Variants in BRINP3 observed in about 807,000 individuals in gnomAD.
The protein encoded by BRINP3 is BMP/retinoic acid inducible neural specific 3.
Under a neutral mutation model 71.0 loss-of-function variants are expected in BRINP3, and 19 were observed. The observed-to-expected ratio is 0.27, with a 90% CI of 0.19 to 0.39. The LOEUF is 0.39. BRINP3 is among the 10% of genes least tolerant of loss of function. The pLI, the probability that BRINP3 is intolerant of heterozygous loss-of-function variation, is 1.00. For synonymous variants in BRINP3, 380 were observed against 337.7 expected, an observed-to-expected ratio of 1.13 and a Z score of -1.37; for missense variants, 959 against 940.8, an observed-to-expected ratio of 1.02 and a Z score of -0.25.
intron 1 of BRINP3, among the ~76,000 whole-genome samples, chr1:190,465,008 T>A (rs1257301015): frequency 3.3e-5 from 5 of 151,928 alleles, no homozygotes; most frequent in African/African-American, 1.2e-4. Context: ...AAAGAGGAAG[T>A]TAAATGCTAA....
intron 2 of BRINP3, among the ~76,000 whole-genome samples, chr1:190,309,030 G>C (rs767003307): frequency 4.0e-5 from 6 of 151,842 alleles, no homozygotes; most frequent in Non-Finnish European, 7.4e-5. Flanking sequence ...ATATCTCAAA[G>C]GTCTAAGCAA....
chr1:190,380,343 G>A (rs1670470494), intron 2 of BRINP3, among the ~76,000 whole-genome samples: 2 of 152,084 alleles, frequency 1.3e-5, no homozygotes. Context: ...AGAGAAAGTG[G>A]TAGAATTTTT....
At chr1:190,185,923 T>C (rs917796036) in intron 6 of BRINP3, among the ~76,000 whole-genome samples, 3 of 152,148 alleles carry the variant, frequency 2.0e-5, no homozygotes, top group Non-Finnish European at 4.4e-5. Context: ...TATTACTGAA[T>C]GTTCCCAACA....
At chr1:190,323,444 A>C (rs1666376426) in intron 2 of BRINP3, among the ~76,000 whole-genome samples, 1 of 151,942 alleles carries the variant, frequency 6.6e-6, no homozygotes, top group African/African-American at 2.4e-5. Context: ...CATTTACAAA[A>C]GAAGATATGA....
intron 2 of BRINP3, among the ~76,000 whole-genome samples, chr1:190,371,331 C>T (rs182654691): frequency 1.1e-3 from 172 of 152,196 alleles, no homozygotes; most frequent in African/African-American, 3.2e-3. Context: ...GTTTTTAATC[C>T]ATTTTGAGTT....
intron 1 of BRINP3, among the ~76,000 whole-genome samples, chr1:190,464,524 G>A (rs528517463): frequency 2.6e-5 from 4 of 151,922 alleles, no homozygotes; most frequent in East Asian, 3.9e-4. Flanking sequence ...CCCCTACTAC[G>A]TAATGCACTG....
At chr1:190,197,869 G>A (rs1654631124) in intron 6 of BRINP3, among the ~76,000 whole-genome samples, 1 of 152,132 alleles carries the variant, frequency 6.6e-6, no homozygotes, top group Admixed American at 6.5e-5. Context: ...TTCCAGTAGG[G>A]ACTCTGTGTG....
intron 6 of BRINP3, among the ~76,000 whole-genome samples, chr1:190,196,910 A>T (rs548400538): frequency 3.9e-4 from 59 of 150,322 alleles, no homozygotes; most frequent in Non-Finnish European, 5.3e-4. Context: ...AAATAAGCTC[A>T]TCGTTATTAT....
rs1413926350 is a variant in BRINP3 at position 190,277,001 on chromosome 1, C to T, written c.427+4559G>A. On this transcript the variant is annotated intron_variant, in intron 3 of 7. Transcript: ENST00000367462. Reference sequence around the variant, plus strand: ...TCAAACTGAACTTGCTTTTATGATGCCTAGAATAAAAACTATTCTTCAAAG... The same window carrying T: ...TCAAACTGAACTTGCTTTTATGATGTCTAGAATAAAAACTATTCTTCAAAG... Among the ~76,000 whole-genome samples the T allele has an allele frequency of 5.6e-5, 8 of 141,628 alleles. No homozygotes were observed. In the Admixed American group the frequency reaches 5.9e-4, roughly 11 times the overall value. The allele number at this position is 141,628 out of a possible 152,430, so 92.9% of individuals were successfully genotyped here.
At position 190,273,524 on chromosome 1, in the gene BRINP3, A is replaced by G. The variant is rs1162752646; in HGVS notation, c.427+8036T>C. On this transcript the variant is annotated intron_variant, in intron 3 of 7. Transcript: ENST00000367462. ...GGTGGTTTATGGTCATTAAAAGCAC[A>G]TATTGAAGGATGCTTTCATAGAAAA... Among the ~76,000 whole-genome samples, 5 of 151,610 alleles carry G rather than the reference A, an allele frequency of 3.3e-5. No individual in the cohort carries two copies. In the East Asian group the frequency reaches 9.6e-4, roughly 29 times the overall value.
chr1:190,196,955 T>C (rs919423077), intron 6 of BRINP3, among the ~76,000 whole-genome samples: 5 of 149,710 alleles, frequency 3.3e-5, no homozygotes, highest in Admixed American at 6.7e-5. Flanking sequence ...ATAAAATACA[T>C]AATAAATTAT....
At chr1:190,402,513 T>C (rs188245225) in intron 2 of BRINP3, among the ~76,000 whole-genome samples, 12 of 152,280 alleles carry the variant, frequency 7.9e-5, no homozygotes, top group Admixed American at 4.6e-4. Context: ...GTATCTTCAA[T>C]GTAGTCTGCT....
chr1:190,277,686 C>T (rs1662703377), intron 3 of BRINP3, among the ~76,000 whole-genome samples: 1 of 151,602 alleles, frequency 6.6e-6, no homozygotes, highest in African/African-American at 2.4e-5. Context: ...CACAGATACA[C>T]TTTAATTTTA....
chr1:190,466,613 C>T (rs538346049), intron 1 of BRINP3, among the ~76,000 whole-genome samples: 11 of 151,462 alleles, frequency 7.3e-5, no homozygotes, highest in South Asian at 2.1e-4. Flanking sequence ...CATTTTTAAC[C>T]GAGGAATGTG....
intron 6 of BRINP3, among the ~76,000 whole-genome samples, chr1:190,212,427 A>G (rs758771041): frequency 2.0e-5 from 3 of 152,108 alleles, no homozygotes; most frequent in Non-Finnish European, 4.4e-5. Flanking sequence ...GGTCACTTAA[A>G]CTACAGATAC....
intron 6 of BRINP3, among the ~76,000 whole-genome samples, chr1:190,183,011 T>G (rs187435774): frequency 1.0e-3 from 155 of 152,198 alleles, no homozygotes; most frequent in African/African-American, 2.8e-3. Context: ...TTTGGAAAAC[T>G]CCTTAAGTTG....
intron 2 of BRINP3, among the ~76,000 whole-genome samples, chr1:190,411,068 A>T (rs867405517): frequency 1.4e-4 from 21 of 152,284 alleles, no homozygotes; most frequent in South Asian, 6.2e-4. Context: ...GACTCCTTTT[A>T]GTAATTAAGT....
At chr1:190,269,545 G>A (rs1239944453) in intron 3 of BRINP3, among the ~76,000 whole-genome samples, 1 of 151,782 alleles carries the variant, frequency 6.6e-6, no homozygotes, top group Non-Finnish European at 1.5e-5. Context: ...AGAACTCCTA[G>A]AAATCAAGGA....
intron 7 of BRINP3, among the ~76,000 whole-genome samples, chr1:190,112,050 T>A (rs552226875): frequency 1.3e-5 from 2 of 152,140 alleles, no homozygotes; most frequent in South Asian, 2.1e-4. Flanking sequence ...AGGGTGAAAA[T>A]CTGAAAGAGG....
Sources: gnomAD v4.1 joint callset for allele counts (sites outside exome capture counted in the v4.1 genomes callset) on GRCh38, gnomAD v4.1.1 for gene constraint, MANE v1.5 for transcripts, NCBI Gene and HGNC (gene_info 2026-07-23, HGNC 2026-07-21) for gene names.